RSPO2: variants seen among roughly 807,000 people sequenced by gnomAD.
The protein encoded by RSPO2 is R-spondin-2.
A neutral mutation model predicts 30.9 loss-of-function variants in RSPO2; 14 were observed. That is an observed-to-expected ratio of 0.45 (90% CI 0.30 to 0.71). RSPO2 has a LOEUF of 0.71. Among genes scored for constraint, RSPO2 ranks in the 30% least tolerant of loss-of-function variants. RSPO2 has a pLI of 0.08. For missense variants in RSPO2, 264 were observed against 301.9 expected (o/e 0.87, Z 0.93); for synonymous variants, 107 against 96.4 (o/e 1.11, Z -0.64).
chr8:107,975,938 G>C (rs1207918561), intron 3 of RSPO2, among the ~76,000 whole-genome samples: 1 of 152,174 alleles, frequency 6.6e-6, no homozygotes, highest in Non-Finnish European at 1.5e-5. Context: ...GGATAGTAGG[G>C]TGTCCACCCC....
intron 2 of RSPO2, among the ~76,000 whole-genome samples, chr8:108,077,008 C>A (rs186826402): frequency 3.7e-4 from 56 of 152,288 alleles, no homozygotes; most frequent in South Asian, 2.5e-3. Context: ...TCCCAGAGAA[C>A]TGTACCGATG....
chr8:108,008,834 A>T (rs1006922026), intron 2 of RSPO2, among the ~76,000 whole-genome samples: 7 of 151,862 alleles, frequency 4.6e-5, no homozygotes, highest in Non-Finnish European at 1.0e-4. Context: ...GAAACAATAA[A>T]CTTCTTTGCA....
At chr8:107,908,875 CCTG>C (rs1811734938) in intron 5 of RSPO2, among the ~76,000 whole-genome samples, 1 of 152,164 alleles carries the variant, frequency 6.6e-6, no homozygotes, top group South Asian at 2.1e-4. Flanking sequence ...AGTTAAACTA[CCTG>C]CAAATAACAG....
intron 2 of RSPO2, among the ~76,000 whole-genome samples, chr8:108,007,413 C>G (rs1275049335): frequency 1.3e-5 from 2 of 152,092 alleles, no homozygotes; most frequent in Non-Finnish European, 2.9e-5. Context: ...GTATTAATCA[C>G]AAATGAGAAA....
chr8:107,962,386 T>C (rs1208636889), intron 3 of RSPO2, among the ~76,000 whole-genome samples: 1 of 152,188 alleles, frequency 6.6e-6, no homozygotes, highest in East Asian at 1.9e-4. Context: ...TAAACAGGCT[T>C]CTTTGTATTA....
chr8:108,059,456 G>A (rs1475294028), intron 2 of RSPO2, among the ~76,000 whole-genome samples: 2 of 151,472 alleles, frequency 1.3e-5, no homozygotes, highest in African/African-American at 4.9e-5. Context: ...ATTCCTCAGG[G>A]ATCTAGAACT....
chr8:107,904,794 G>T (rs1420603877), intron 5 of RSPO2, among the ~76,000 whole-genome samples: 1 of 152,012 alleles, frequency 6.6e-6, no homozygotes, highest in African/African-American at 2.4e-5. Context: ...TGTGGCCCTA[G>T]GATGAAAGGA....
intron 2 of RSPO2, among the ~76,000 whole-genome samples, chr8:108,033,051 A>G (rs2437000): frequency 0.14 from 6,618 of 46,688 alleles, 176 homozygotes; most frequent in Non-Finnish European, 0.17. Context: ...CTCTGTCTCA[A>G]AAAAAAAAAA....
intron 5 of RSPO2, among the ~76,000 whole-genome samples, chr8:107,916,927 AG>A (rs1190778420): frequency 4.6e-5 from 7 of 152,234 alleles, no homozygotes; most frequent in African/African-American, 1.7e-4. Context: ...AAAACTGGAT[AG>A]ATTTGTAAAA....
At chr8:107,996,228 G>A (rs1236922888) in intron 2 of RSPO2, among the ~76,000 whole-genome samples, 1 of 152,124 alleles carries the variant, frequency 6.6e-6, no homozygotes, top group Non-Finnish European at 1.5e-5. Flanking sequence ...TCCAACTCTT[G>A]TTCATTTTCA....
rs1451570975 is a variant in RSPO2 at position 108,083,009 on chromosome 8, T to C, written c.-170+188A>G. 7 of 208,444 alleles carry C rather than the reference T, an allele frequency of 3.4e-5. No homozygotes were observed. The South Asian group carries it at 5.4e-4, about 16-fold the overall frequency. 12.9% of individuals were successfully genotyped at this position (208,444 alleles called of 1,614,324 possible). Reference sequence around the variant, plus strand: ...AGGAAGGTGATTATAATCAGTGAATTAGCAACCTCTGCCGAGCCCTAAGCT... The same window carrying C: ...AGGAAGGTGATTATAATCAGTGAATCAGCAACCTCTGCCGAGCCCTAAGCT... On this transcript the variant is annotated intron_variant, in intron 1 of 5. Coordinates refer to ENST00000276659, the MANE Select transcript of RSPO2 (RefSeq NM_178565.5).
chr8:107,900,998 A>G lies in RSPO2; in HGVS notation c.*77T>C, dbSNP rs1811440888. ...CAGAGCAGCACAAAGGCTGCACACC[A>G]GTGTGCAGGAGTGGAGAGTAGCTTT... On this transcript the variant is annotated 3_prime_UTR_variant, in exon 6 of 6. Transcript: ENST00000276659. 2.8e-6 allele frequency: 4 copies of G among 1,450,792 alleles called. No homozygotes were observed. In the South Asian group the frequency reaches 5.0e-5, roughly 18 times the overall value. The allele number at this position is 1,450,792 out of a possible 1,614,324, so 89.9% of individuals were successfully genotyped here. A position where few individuals can be genotyped will look rare whatever the true frequency, so the allele number is the denominator to read the frequency against.
intron 5 of RSPO2, among the ~76,000 whole-genome samples, chr8:107,937,615 G>GAAAAA (rs34321211): frequency 9.6e-5 from 14 of 146,086 alleles, no homozygotes; most frequent in Non-Finnish European, 1.5e-4. Flanking sequence ...TCATTTGAAG[G>GAAAAA]AAAAAAAAAA....
At chr8:108,010,278 G>C (rs1018391641) in intron 2 of RSPO2, among the ~76,000 whole-genome samples, 1 of 152,076 alleles carries the variant, frequency 6.6e-6, no homozygotes, top group African/African-American at 2.4e-5. Flanking sequence ...GTCTACAAAG[G>C]TACATGTGCT....
At chr8:107,941,726 A>T (rs1009534925) in intron 5 of RSPO2, among the ~76,000 whole-genome samples, 7 of 152,222 alleles carry the variant, frequency 4.6e-5, no homozygotes, top group Non-Finnish European at 1.0e-4. Context: ...CAGTGAGCAG[A>T]CTTGGTAATG....
At chr8:107,928,553 T>G (rs959367792) in intron 5 of RSPO2, among the ~76,000 whole-genome samples, 4 of 152,186 alleles carry the variant, frequency 2.6e-5, no homozygotes, top group African/African-American at 9.7e-5. Context: ...CCATTCCAAA[T>G]TTTGATGTAT....
At chr8:107,969,376 T>C (rs1162120854) in intron 3 of RSPO2, among the ~76,000 whole-genome samples, 1 of 152,172 alleles carries the variant, frequency 6.6e-6, no homozygotes, top group African/African-American at 2.4e-5. Flanking sequence ...TAACTTGAAG[T>C]GTCACAACAG....
rs1453328448 is a variant in RSPO2 at position 107,996,174 on chromosome 8, T to C, written c.95-6930A>G. 4.6e-4 allele frequency among the ~76,000 whole-genome samples: 70 copies of C among 152,104 alleles called. 1 individual carries two copies. The highest frequency in any genetic ancestry group is 4.5e-3 in the Admixed American group (69 of 15,266). On this transcript the variant is annotated intron_variant, in intron 2 of 5. Coordinates refer to ENST00000276659, the MANE Select transcript of RSPO2 (RefSeq NM_178565.5). ...TGAAACTGGGAATACTGACAGGCTG[T>C]GTGAGGAAATGGCTATGGTGGAGGA...
intron 2 of RSPO2, among the ~76,000 whole-genome samples, chr8:108,003,289 ATATATATATATATATATATATATTTTT>A (rs1815319330): frequency 4.1e-5 from 1 of 24,676 alleles, no homozygotes. Context: ...ATATATATAT[ATATATATATATATATATATATATTTTT>A]TTTTTTTTTT....
Sources: allele counts gnomAD v4.1 joint callset (sites outside exome capture counted in the v4.1 genomes callset), GRCh38; gene constraint gnomAD v4.1.1; transcripts MANE v1.5; gene names NCBI Gene and HGNC (gene_info 2026-07-23, HGNC 2026-07-21).